Variants in METRNL observed in about 807,000 individuals in gnomAD.
METRNL encodes meteorin like, glial cell differentiation regulator.
METRNL carries 9 observed loss-of-function variants against 17.4 expected under a neutral mutation model. The observed-to-expected ratio is 0.52, with a 90% confidence interval of 0.31 to 0.90. METRNL has a LOEUF of 0.90. Among genes scored for constraint, METRNL ranks in the 40% least tolerant of loss-of-function variants. The probability of loss-of-function intolerance (pLI) is 0.05; values close to 1 mark genes in which losing one functional copy is unlikely to be tolerated. For synonymous variants in METRNL, 215 were observed against 199.3 expected (o/e 1.08, Z -0.66); for missense variants, 408 against 430.7 (o/e 0.95, Z 0.47).
chr17:83,088,245 G>A (rs2038075684), intron 2 of METRNL, among the ~76,000 whole-genome samples: 1 of 152,270 alleles, frequency 6.6e-6, no homozygotes, highest in South Asian at 2.1e-4. Context: ...GGGGGTGGCA[G>A]AGAGTGGTCA....
intron 2 of METRNL, among the ~76,000 whole-genome samples, chr17:83,089,690 G>C (rs867150798): frequency 6.6e-6 from 1 of 152,122 alleles, no homozygotes; most frequent in Admixed American, 6.5e-5. Flanking sequence ...CGTGAGCAGC[G>C]CGTTCCGCAG....
At chr17:83,081,366 C>G (rs1348343396) in intron 1 of METRNL, among the ~76,000 whole-genome samples, 1 of 152,166 alleles carries the variant, frequency 6.6e-6, no homozygotes, top group Non-Finnish European at 1.5e-5. Flanking sequence ...GAAACGCCGC[C>G]CCCGCCACCC....
At chr17:83,081,162 G>A (rs2037981870) in intron 1 of METRNL, among the ~76,000 whole-genome samples, 1 of 151,790 alleles carries the variant, frequency 6.6e-6, no homozygotes, top group Non-Finnish European at 1.5e-5. Context: ...GGCCGAGCGG[G>A]GCCGCGGGCG....
At chr17:83,083,184 G>A (rs1323363597) in intron 1 of METRNL, among the ~76,000 whole-genome samples, 1 of 152,246 alleles carries the variant, frequency 6.6e-6, no homozygotes, top group Non-Finnish European at 1.5e-5. Context: ...CCTCCTCCTG[G>A]GCAGAGGTGG....
Position 83,094,943 on chromosome 17 carries a change from G to A in METRNL, c.*368G>A. On this transcript the variant is annotated 3_prime_UTR_variant, in exon 4 of 4. Transcript: ENST00000320095. ...CTGGCCTGCGGTTGGGTGAAGCACT[G>A]GCCGTTGGGCACAGTGGATGTGTGA... 4.2e-6 allele frequency: 1 copy of A among 237,966 alleles called. No homozygotes were observed. The highest frequency in any genetic ancestry group is 1.8e-4 in the South Asian group (1 of 5,644). 14.7% of individuals were successfully genotyped at this position (237,966 alleles called of 1,614,324 possible).
At chr17:83,093,286 G>T in intron 3 of METRNL, 60 bp downstream of exon 3, 1 of 1,446,280 alleles carries the variant, frequency 6.9e-7, no homozygotes, top group Non-Finnish European at 9.6e-7. Context: ...ACATGGAGCT[G>T]TTTGGGCCCA....
At position 83,085,057 on chromosome 17, in the gene METRNL, C is replaced by T. The variant is rs762026928; in HGVS notation, c.290C>T (p.Thr97Ile). 1.9e-6 allele frequency: 3 copies of T among 1,613,940 alleles called. No homozygotes were observed. In the Admixed American group the frequency reaches 5.0e-5, roughly 27 times the overall value. The change falls in exon 2 of 4, where the codon ACC becomes ATC. Residue 97 changes from threonine to isoleucine, a missense_variant. Transcript: ENST00000320095. ...CTCATCGTTAACCTGCGGCCCAACA[C>T]CTTCTCGCCTGCCCGGCACCTGACC... ...GALIVNLRPN[T>I]FSPARHLTVC... is the part of the protein sequence containing the mutation.
chr17:83,087,111 C>T (rs1403417102), intron 2 of METRNL, among the ~76,000 whole-genome samples: 4 of 152,106 alleles, frequency 2.6e-5, no homozygotes, highest in African/African-American at 4.8e-5. Flanking sequence ...GCTCACCCTC[C>T]GTGTGCCTCC....
At chr17:83,081,275 C>T (rs866356256) in intron 1 of METRNL, among the ~76,000 whole-genome samples, 25 of 152,262 alleles carry the variant, frequency 1.6e-4, no homozygotes, top group Admixed American at 1.0e-3. Flanking sequence ...TGATTCAGCC[C>T]CGGCTCGCTG....
intron 2 of METRNL, among the ~76,000 whole-genome samples, chr17:83,088,042 T>C (rs1468178345): frequency 6.6e-6 from 1 of 152,138 alleles, no homozygotes; most frequent in African/African-American, 2.4e-5. Context: ...GACACGCCGA[T>C]GACCAAGAGT....
intron 3 of METRNL, 111 bp from the exon 4 acceptor site, chr17:83,094,145 G>GGCAGA (rs2038172956): frequency 1.1e-6 from 1 of 891,306 alleles, no homozygotes; most frequent in African/African-American, 1.7e-5. Flanking sequence ...CAGAGTCGGG[G>GGCAGA]GTCAGCTGCC....
intron 2 of METRNL, 37 bp downstream of exon 2, chr17:83,085,360 G>A (rs368117253): frequency 1.8e-5 from 27 of 1,510,964 alleles, no homozygotes; most frequent in Middle Eastern, 2.1e-4. Context: ...GGCGGGCCTC[G>A]TCATCACGGG....
At chr17:83,084,781 A>T in intron 1 of METRNL, 157 bp from the exon 2 acceptor site, 1 of 878,748 alleles carries the variant, frequency 1.1e-6, no homozygotes, top group Non-Finnish European at 1.7e-6. Flanking sequence ...GGCCTGCCTC[A>T]CGGGCAGGGG....
rs972824635 is a variant in METRNL at position 83,085,281 on chromosome 17, C to G, written c.514C>G (p.Leu172Val). ...GRRTTGFQYE[L>V]VRRHRASDLH... ...GAGGACCACAGGCTTCCAGTACGAG[C>G]TGGTTAGGAGGCACAGGGCGTCGGA... is the stretch of plus-strand genomic sequence containing the variant. Residue 172 changes from leucine (L) to valine (V), a missense_variant, in exon 2 of 4, where the codon CTG (leucine) becomes GTG (valine). Leu to Val is a conservative substitution (Grantham distance 32). Coordinates refer to ENST00000320095, the MANE Select transcript of METRNL (RefSeq NM_001004431.3). 6.4e-7 allele frequency: 1 copy of G among 1,553,318 alleles called. No homozygotes were observed. Among genetic ancestry groups the G allele is most frequent in the African/African-American group, 1.4e-5 (1 of 73,224 alleles).
rs756779038 is a variant in METRNL, at chr17:83,085,093, G to C, written c.326G>C (p.Arg109Thr). 1.9e-6 allele frequency: 3 copies of C among 1,613,796 alleles called. No homozygotes were observed. Among genetic ancestry groups the C allele is most frequent in the Admixed American group, 1.7e-5 (1 of 60,006 alleles). ...GCCCGGCACCTGACCGTGTGCATCA[G>C]GTCCTTCACGGACTCCTCGGGGGCC... ...SPARHLTVCI[R>T]SFTDSSGANI... is the part of the protein sequence containing the mutation. The change falls in exon 2 of 4, where the codon AGG becomes ACG. Residue 109 changes from arginine (R) to threonine (T), a missense_variant. Coordinates refer to ENST00000320095, the MANE Select transcript of METRNL (RefSeq NM_001004431.3).
intron 3 of METRNL, among the ~76,000 whole-genome samples, chr17:83,093,492 C>A (rs772202801): frequency 6.6e-6 from 1 of 152,226 alleles, no homozygotes; most frequent in Non-Finnish European, 1.5e-5. Context: ...GAGATCACTG[C>A]TCTTCGAGGG....
At chr17:83,089,759 G>T (rs368676127) in intron 2 of METRNL, among the ~76,000 whole-genome samples, 1 of 152,128 alleles carries the variant, frequency 6.6e-6, no homozygotes, top group African/African-American at 2.4e-5. Context: ...GGCGTCCACC[G>T]GCGTCCACCC....
intron 2 of METRNL, among the ~76,000 whole-genome samples, chr17:83,091,459 G>C (rs1336602807): frequency 1.3e-5 from 2 of 152,232 alleles, no homozygotes; most frequent in Non-Finnish European, 2.9e-5. Flanking sequence ...GTGCACCGTA[G>C]ACTCCAGGGT....
At chr17:83,085,715 G>T (rs888563947) in intron 2 of METRNL, among the ~76,000 whole-genome samples, 2 of 152,244 alleles carry the variant, frequency 1.3e-5, no homozygotes, top group African/African-American at 4.8e-5. Context: ...AGCATGGTGA[G>T]CATCCCCCTG....
Sources: gnomAD v4.1 joint callset for allele counts (sites outside exome capture counted in the v4.1 genomes callset) on GRCh38, gnomAD v4.1.1 for gene constraint, MANE v1.5 for transcripts, NCBI Gene and HGNC (gene_info 2026-07-23, HGNC 2026-07-21) for gene names.